SCHIP1: variants seen among roughly 807,000 people sequenced by gnomAD.
SCHIP1 encodes schwannomin interacting protein 1.
Under a neutral mutation model 29.7 loss-of-function variants are expected in SCHIP1, and 8 were observed. The ratio of observed to expected loss-of-function variants is 0.27; its 90% CI spans 0.16 to 0.49. The LOEUF is 0.49. Ranked by LOEUF, SCHIP1 falls within the 20% of genes least tolerant of loss-of-function variation. The pLI is 0.99. For missense variants in SCHIP1, 193 were observed against 294.6 expected, an observed-to-expected ratio of 0.66 and a Z score of 2.52; for synonymous variants, 76 against 94.9, an observed-to-expected ratio of 0.80 and a Z score of 1.16.
At chr3:159,283,373 G>C in the SCHIP1 span, among the ~76,000 whole-genome samples, 1 of 152,022 alleles carries the variant, frequency 6.6e-6, no homozygotes, top group African/African-American at 2.4e-5. Flanking sequence ...GGCTGGTCTC[G>C]AACTCCTGAC....
At chr3:159,878,243 C>G (rs1036178996) in intron 2 of SCHIP1, among the ~76,000 whole-genome samples, 1 of 152,044 alleles carries the variant, frequency 6.6e-6, no homozygotes, top group Admixed American at 6.5e-5. Context: ...TTTGGGAGGC[C>G]AAGGCAGGTG....
chr3:159,873,946 A>G (rs1350981876), intron 2 of SCHIP1, among the ~76,000 whole-genome samples: 2 of 152,218 alleles, frequency 1.3e-5, no homozygotes, highest in Non-Finnish European at 2.9e-5. Flanking sequence ...ATCAGTTAGC[A>G]TTATGTTTCA....
the SCHIP1 span, among the ~76,000 whole-genome samples, chr3:159,335,178 A>G: frequency 1.3e-5 from 2 of 152,164 alleles, no homozygotes; most frequent in Middle Eastern, 3.4e-3. Flanking sequence ...TCATTTCTAA[A>G]TAACTAAGTT....
chr3:159,729,635 C>G, the SCHIP1 span, among the ~76,000 whole-genome samples: 10 of 152,198 alleles, frequency 6.6e-5, no homozygotes, highest in Non-Finnish European at 1.3e-4. Flanking sequence ...TAACAATAAA[C>G]ATGCAGAATA....
chr3:159,483,842 A>G, the SCHIP1 span, among the ~76,000 whole-genome samples: 1 of 152,206 alleles, frequency 6.6e-6, no homozygotes, highest in African/African-American at 2.4e-5. Flanking sequence ...TAGTTGCTCA[A>G]CAGATAGTAA....
the SCHIP1 span, among the ~76,000 whole-genome samples, chr3:159,453,751 AC>A: frequency 9.9e-5 from 15 of 152,076 alleles, no homozygotes; most frequent in Non-Finnish European, 1.5e-5. Flanking sequence ...TGAGTGCCTG[AC>A]CCTTTCCTTT....
At chr3:159,601,007 C>T in the SCHIP1 span, among the ~76,000 whole-genome samples, 49 of 152,280 alleles carry the variant, frequency 3.2e-4, no homozygotes, top group African/African-American at 1.2e-3. Flanking sequence ...GTGCTGAAGC[C>T]TGGAAAGCCA....
the SCHIP1 span, among the ~76,000 whole-genome samples, chr3:159,708,870 G>A: frequency 6.6e-6 from 1 of 152,188 alleles, no homozygotes; most frequent in Non-Finnish European, 1.5e-5. Context: ...CCCTAATCAT[G>A]ACAAGGAATT....
At chr3:159,481,282 A>T in the SCHIP1 span, among the ~76,000 whole-genome samples, 8 of 152,272 alleles carry the variant, frequency 5.3e-5, no homozygotes, top group African/African-American at 1.7e-4. Context: ...ATCTTGATGT[A>T]CCATAAGCAT....
chr3:159,364,332 T>C, the SCHIP1 span, among the ~76,000 whole-genome samples: 2 of 152,182 alleles, frequency 1.3e-5, no homozygotes, highest in African/African-American at 4.8e-5. Context: ...TATTAGGTTA[T>C]TAGGAAGGAC....
the SCHIP1 span, among the ~76,000 whole-genome samples, chr3:159,526,980 A>G: frequency 6.6e-6 from 1 of 152,132 alleles, no homozygotes; most frequent in Non-Finnish European, 1.5e-5. Context: ...TATCTTAATC[A>G]TCTCATGTCA....
At chr3:159,494,656 GC>G in the SCHIP1 span, among the ~76,000 whole-genome samples, 79,494 of 151,368 alleles carry the variant, frequency 0.53, 21,089 homozygotes, top group East Asian at 0.67. Context: ...TGGATTCACA[GC>G]TGAATTCTAT....
chr3:159,678,093 G>A, the SCHIP1 span, among the ~76,000 whole-genome samples: 223 of 152,280 alleles, frequency 1.5e-3, 5 homozygotes, highest in South Asian at 1.0e-2. Context: ...ATTAGGGCAG[G>A]AATATTCCAA....
chr3:159,781,638 G>C, the SCHIP1 span, among the ~76,000 whole-genome samples: 12 of 152,192 alleles, frequency 7.9e-5, no homozygotes, highest in Non-Finnish European at 1.6e-4. Context: ...GTTAGGTATG[G>C]AGTACAGAGA....
chr3:159,817,686 T>TTTTTG, the SCHIP1 span, among the ~76,000 whole-genome samples: 1 of 152,018 alleles, frequency 6.6e-6, no homozygotes, highest in Non-Finnish European at 1.5e-5. Flanking sequence ...TCAGCTAGAG[T>TTTTTG]TTTTGTTTTG....
At chr3:159,764,857 C>T in the SCHIP1 span, 1 of 1,591,524 alleles carries the variant, frequency 6.3e-7, no homozygotes, top group Non-Finnish European at 8.5e-7. This position sits in a 1 kb window ranked among gnomAD's most constrained non-coding sequence, Gnocchi z 6.1. Context: ...CCCCCAGGAC[C>T]TCAGGCACAA....
the SCHIP1 span, among the ~76,000 whole-genome samples, chr3:159,325,530 A>C: frequency 6.6e-6 from 1 of 152,116 alleles, no homozygotes; most frequent in Non-Finnish European, 1.5e-5. Flanking sequence ...AATTGCTTTG[A>C]TGTGATTCTG....
At chr3:159,800,632 G>C in the SCHIP1 span, among the ~76,000 whole-genome samples, 10 of 152,198 alleles carry the variant, frequency 6.6e-5, no homozygotes, top group African/African-American at 2.4e-4. Flanking sequence ...CTGGTGGCCC[G>C]TGAAGGTCCT....
At chr3:159,558,051 T>C in the SCHIP1 span, among the ~76,000 whole-genome samples, 2 of 152,186 alleles carry the variant, frequency 1.3e-5, no homozygotes, top group Admixed American at 1.3e-4. Context: ...TGAGCCTAAA[T>C]GGGATGCTCA....
Sources: gnomAD v4.1 joint callset for allele counts (sites outside exome capture counted in the v4.1 genomes callset) on GRCh38, gnomAD v4.1.1 for gene constraint, Gnocchi (gnomAD v3.1) non-coding constraint, MANE v1.5 for transcripts, NCBI Gene and HGNC (gene_info 2026-07-23, HGNC 2026-07-21) for gene names.